TOGARAM1: variants seen among roughly 807,000 people sequenced by gnomAD.
TOGARAM1 encodes the protein TOG array regulator of axonemal microtubules 1.
TOGARAM1 carries 100 observed loss-of-function variants against 166.6 expected under a neutral mutation model. The observed-to-expected ratio is 0.60, with a 90% CI of 0.51 to 0.71. The LOEUF is 0.71. Among genes scored for constraint, TOGARAM1 ranks in the 30% least tolerant of loss-of-function variants. The pLI, the probability that TOGARAM1 is intolerant of heterozygous loss-of-function variation, is 0.00. For synonymous variants in TOGARAM1, 758 were observed against 763.8 expected (o/e 0.99, Z 0.13); for missense variants, 2,029 against 2,102.7 (o/e 0.96, Z 0.69).
Position 44,963,047 on chromosome 14 carries a change from G to C in TOGARAM1, c.626G>C (p.Arg209Pro). The change falls in exon 1 of 20, where the codon CGT (arginine) becomes CCT (proline). Residue 209 changes from arginine to proline, a missense_variant. By Grantham distance (103) the Arg-to-Pro change is moderately radical. Transcript: ENST00000361462. ...ALQILHICLK[R>P]SPGEVLRTLI... ...CAGATCCTTCATATATGTCTGAAAC[G>C]TAGTCCTGGAGAGGTGCTGAGAACG... The C allele has an allele frequency of 6.2e-7, 1 of 1,614,188 alleles. No individual in the cohort carries two copies. Among genetic ancestry groups the C allele is most frequent in the Non-Finnish European group, 8.5e-7 (1 of 1,180,034 alleles).
chr14:44,963,840 T>G lies in TOGARAM1; in HGVS notation c.1419T>G (p.Cys473Trp). The change falls in exon 1 of 20, where the codon TGT (cysteine) becomes TGG (tryptophan). Residue 473 changes from cysteine (C) to tryptophan (W), a missense_variant. Coordinates refer to ENST00000361462, the MANE Select transcript of TOGARAM1 (RefSeq NM_001308120.2). ...MKEVGPQQVL[C>W]LLLEHLKHKH... ...AAGTAGGACCTCAGCAGGTGCTTTG[T>G]TTACTCCTGGAACATCTCAAACATA... The G allele has an allele frequency of 1.2e-6, 2 of 1,614,152 alleles. No individual in the cohort carries two copies. The highest frequency in any genetic ancestry group is 1.7e-6 in the Non-Finnish European group (2 of 1,180,000).
At chr14:45,043,098 T>A (rs746715638) in intron 11 of TOGARAM1, among the ~76,000 whole-genome samples, 14 of 152,218 alleles carry the variant, frequency 9.2e-5, no homozygotes, top group Non-Finnish European at 7.3e-5. Context: ...TAGCTACTTG[T>A]ATCTATTACC....
Position 45,071,776 on chromosome 14 carries a change from G to C in TOGARAM1, c.5034G>C (p.Gln1678His), listed in dbSNP as rs1454677954. The C allele has an allele frequency of 6.2e-7, 1 of 1,611,530 alleles. No individual in the cohort carries two copies. The highest frequency in any genetic ancestry group is 2.2e-5 in the East Asian group (1 of 44,768). ...AGTTTTTAAATGGAAAAGCAAAACAGGACATGACGGAAAAGCTTGCTGGTA... is the reference window on the plus strand; with the variant it reads ...AGTTTTTAAATGGAAAAGCAAAACACGACATGACGGAAAAGCTTGCTGGTA... ...KAQFLNGKAK[Q>H]DMTEKLADIV... Residue 1678 changes from glutamine (Q) to histidine (H), a missense_variant, in exon 19 of 20, where the codon CAG (glutamine) becomes CAC (histidine). Gln to His is a conservative substitution (Grantham distance 24). This residue lies in a region of TOGARAM1 where 576 missense variants were observed against 670.5 expected (regional missense o/e 0.86). Transcript: ENST00000361462.
At chr14:44,982,543 C>A (rs567403001) in intron 1 of TOGARAM1, among the ~76,000 whole-genome samples, 1 of 151,946 alleles carries the variant, frequency 6.6e-6, no homozygotes, top group Non-Finnish European at 1.5e-5. Flanking sequence ...TATGTGGGCA[C>A]GAGGTCTGTA....
At chr14:45,016,883 G>T (rs1401859576) in intron 7 of TOGARAM1, among the ~76,000 whole-genome samples, 1 of 152,126 alleles carries the variant, frequency 6.6e-6, no homozygotes, top group Non-Finnish European at 1.5e-5. Flanking sequence ...GTTAGAAGTT[G>T]AGATAGGTTT....
chr14:45,031,823 A>G (rs1040945306), intron 10 of TOGARAM1, among the ~76,000 whole-genome samples: 2 of 152,200 alleles, frequency 1.3e-5, no homozygotes, highest in Non-Finnish European at 2.9e-5. Flanking sequence ...CATAATAAAT[A>G]TTCATCACAA....
chr14:44,974,160 T>C (rs1451133296), intron 1 of TOGARAM1, among the ~76,000 whole-genome samples: 1 of 152,010 alleles, frequency 6.6e-6, no homozygotes, highest in Non-Finnish European at 1.5e-5. Flanking sequence ...TTACACGTTT[T>C]GTAGTTTTCC....
At chr14:45,057,138 C>A (rs1882678868) in intron 16 of TOGARAM1, among the ~76,000 whole-genome samples, 1 of 152,042 alleles carries the variant, frequency 6.6e-6, no homozygotes, top group Non-Finnish European at 1.5e-5. Flanking sequence ...AATGTAGTTG[C>A]TCATAATAGT....
At chr14:45,033,317 C>T (rs942778168) in intron 11 of TOGARAM1, among the ~76,000 whole-genome samples, 3 of 151,422 alleles carry the variant, frequency 2.0e-5, no homozygotes, top group Non-Finnish European at 4.4e-5. Flanking sequence ...TTTCTACATT[C>T]ATTTTGTAGC....
chr14:45,002,943 C>T (rs1887754504), intron 3 of TOGARAM1, among the ~76,000 whole-genome samples: 2 of 152,052 alleles, frequency 1.3e-5, no homozygotes, highest in Admixed American at 1.3e-4. Flanking sequence ...CGTGCCACTG[C>T]ACTCCAGCCT....
At chr14:44,973,199 A>G (rs1885986741) in intron 1 of TOGARAM1, among the ~76,000 whole-genome samples, 1 of 151,418 alleles carries the variant, frequency 6.6e-6, no homozygotes, top group Non-Finnish European at 1.5e-5. Context: ...AACATGATTC[A>G]GTTTTCTCTT....
At chr14:45,045,671 G>GTA (rs1300344865) in intron 13 of TOGARAM1, among the ~76,000 whole-genome samples, 9 of 79,730 alleles carry the variant, frequency 1.1e-4, no homozygotes, top group Admixed American at 3.9e-4. Flanking sequence ...ATATATATGT[G>GTA]TATATATATA....
chr14:45,068,953 T>A (rs1437084270), intron 18 of TOGARAM1, among the ~76,000 whole-genome samples: 1 of 151,556 alleles, frequency 6.6e-6, no homozygotes, highest in Non-Finnish European at 1.5e-5. Flanking sequence ...AAGAAAAAAA[T>A]ATAAAAATAA....
At chr14:45,057,140 C>T (rs1293432106) in intron 16 of TOGARAM1, among the ~76,000 whole-genome samples, 4 of 152,084 alleles carry the variant, frequency 2.6e-5, no homozygotes, top group African/African-American at 9.7e-5. Context: ...TGTAGTTGCT[C>T]ATAATAGTCT....
At chr14:45,016,678 C>T (rs1376331046) in intron 7 of TOGARAM1, among the ~76,000 whole-genome samples, 2 of 152,036 alleles carry the variant, frequency 1.3e-5, no homozygotes, top group African/African-American at 2.4e-5. Flanking sequence ...ATTACAGATG[C>T]GATTCACCAT....
intron 1 of TOGARAM1, among the ~76,000 whole-genome samples, chr14:44,979,172 TTAATAA>T (rs144833686): frequency 1.3e-5 from 2 of 151,456 alleles, no homozygotes; most frequent in African/African-American, 4.9e-5. Context: ...TAAGTCACCA[TTAATAA>T]TAATAATAAT....
chr14:45,070,839 G>C (rs1883345450), intron 18 of TOGARAM1, among the ~76,000 whole-genome samples: 2 of 152,092 alleles, frequency 1.3e-5, no homozygotes, highest in African/African-American at 4.8e-5. Flanking sequence ...AAATTTCTCT[G>C]TTTCTATTAT....
chr14:44,998,014 G>A (rs1236623699), intron 2 of TOGARAM1, among the ~76,000 whole-genome samples: 2 of 152,208 alleles, frequency 1.3e-5, no homozygotes, highest in Admixed American at 6.5e-5. Context: ...AATGATAACA[G>A]TTTTCAAAAT....
At chr14:45,052,778 A>C (rs182931950) in intron 15 of TOGARAM1, among the ~76,000 whole-genome samples, 2 of 152,314 alleles carry the variant, frequency 1.3e-5, no homozygotes, top group African/African-American at 4.8e-5. Context: ...CAGAAGCTTG[A>C]TGTTTGGTAG....
Sources: allele counts gnomAD v4.1 joint callset (sites outside exome capture counted in the v4.1 genomes callset), GRCh38; gene constraint gnomAD v4.1.1; regional missense constraint gnomAD v4.1.1; transcripts MANE v1.5; gene names NCBI Gene and HGNC (gene_info 2026-07-23, HGNC 2026-07-21).